IFNAR2: variants seen among roughly 807,000 people sequenced by gnomAD.
IFNAR2 encodes interferon alpha/beta receptor 2.
A neutral mutation model predicts 49.4 loss-of-function variants in IFNAR2; 30 were observed. The ratio of observed to expected loss-of-function variants is 0.61; its 90% CI spans 0.45 to 0.82. IFNAR2 has a LOEUF of 0.82. Among genes scored for constraint, IFNAR2 ranks in the 40% least tolerant of loss-of-function variants. IFNAR2 has a pLI of 0.00. For missense variants in IFNAR2, 600 were observed against 622.7 expected, an observed-to-expected ratio of 0.96 and a Z score of 0.39; for synonymous variants, 224 against 234.5, an observed-to-expected ratio of 0.96 and a Z score of 0.41.
chr21:33,246,052 A>G (rs1033916950), intron 4 of IFNAR2, among the ~76,000 whole-genome samples: 2 of 151,054 alleles, frequency 1.3e-5, no homozygotes, highest in Non-Finnish European at 2.9e-5. Flanking sequence ...AGTTTCATTC[A>G]TTCATTTACT....
chr21:33,256,569 T>C (rs1206524564), intron 7 of IFNAR2, among the ~76,000 whole-genome samples: 1 of 152,216 alleles, frequency 6.6e-6, no homozygotes, highest in African/African-American at 2.4e-5. Flanking sequence ...TAGGGCAGAC[T>C]GATATGGGGG....
chr21:33,235,723 G>A (rs1307529372), intron 1 of IFNAR2, among the ~76,000 whole-genome samples: 2 of 152,116 alleles, frequency 1.3e-5, no homozygotes, highest in Non-Finnish European at 2.9e-5. Context: ...TCAGGAGATC[G>A]AGACCATCCT....
chr21:33,231,246 C>CT (rs1164458087), intron 1 of IFNAR2, among the ~76,000 whole-genome samples: 1 of 152,138 alleles, frequency 6.6e-6, no homozygotes, highest in East Asian at 1.9e-4. Flanking sequence ...AGCAGATACT[C>CT]TATCAAAATC....
intron 1 of IFNAR2, among the ~76,000 whole-genome samples, chr21:33,232,739 G>T (rs973106016): frequency 6.6e-6 from 1 of 151,966 alleles, no homozygotes; most frequent in African/African-American, 2.4e-5. Context: ...CTTTATGCTG[G>T]GTGAAGGTGA....
intron 1 of IFNAR2, among the ~76,000 whole-genome samples, chr21:33,235,963 T>C (rs748308961): frequency 6.6e-6 from 1 of 152,024 alleles, no homozygotes; most frequent in Non-Finnish European, 1.5e-5. Flanking sequence ...AAATAAAAAC[T>C]TGAATTATTA....
chr21:33,260,482 T>A, intron 7 of IFNAR2, 115 bp from the exon 8 acceptor site: 1 of 996,302 alleles, frequency 1.0e-6, no homozygotes, highest in Non-Finnish European at 1.4e-6. Flanking sequence ...AAACTGTTTT[T>A]TCAAACCTTT....
chr21:33,247,269 T>TTTTC (rs1987509646), intron 5 of IFNAR2, among the ~76,000 whole-genome samples: 1 of 144,798 alleles, frequency 6.9e-6, no homozygotes, highest in African/African-American at 2.5e-5. Flanking sequence ...TTTTTTTTTT[T>TTTTC]GAGATGGAGT....
At position 33,241,949 on chromosome 21, in the gene IFNAR2, C is replaced by T. The variant is rs750264158; in HGVS notation, c.27C>T (p.Ile9=). MLLSQNAF[I]FRSLNLVLMV... Reference sequence around the variant, plus strand: ...TGCTTTTGAGCCAGAATGCCTTCATCTTCAGATCACTTAATTTGGTTCTCA... The same window carrying T: ...TGCTTTTGAGCCAGAATGCCTTCATTTTCAGATCACTTAATTTGGTTCTCA... Residue 9 remains isoleucine, a synonymous_variant, in exon 2 of 9, where the codon ATC becomes ATT. Transcript: ENST00000342136. The T allele has an allele frequency of 2.5e-6, 4 of 1,612,918 alleles. No homozygotes were observed. Among genetic ancestry groups the T allele is most frequent in the South Asian group, 2.2e-5 (2 of 90,864 alleles).
chr21:33,263,415 G>A lies in IFNAR2; in HGVS notation c.1463G>A (p.Gly488Asp). 1 of 1,614,078 alleles carries A rather than the reference G, an allele frequency of 6.2e-7. No homozygotes were observed. Among genetic ancestry groups the A allele is most frequent in the Admixed American group, 1.7e-5 (1 of 60,024 alleles). The change falls in exon 9 of 9, where the codon GGC (glycine) becomes GAC (aspartate). Residue 488 changes from glycine (G) to aspartate (D), a missense_variant. Transcript: ENST00000342136. ...QPTFPSPSSE[G>D]LWSEDAPSDQ... ...ACCTTTCCCAGCCCCTCTTCAGAGG[G>A]CCTGTGGTCCGAAGATGCTCCATCT... is the stretch of plus-strand genomic sequence containing the variant.
intron 6 of IFNAR2, chr21:33,252,157 A>C: frequency 2.1e-6 from 1 of 470,712 alleles, no homozygotes; most frequent in South Asian, 1.6e-5. Flanking sequence ...GAGAAACTAG[A>C]CATCAGTCAG....
rs187094782 is a variant in IFNAR2 at position 33,240,133 on chromosome 21, C to T, written c.-83-1707C>T. The stretch of plus-strand genomic sequence containing the variant: ...TATACTCTCCCTTCTGGTTTGCCTA[C>T]AGCCCTCTCACACATTTGTAAATAT... On this transcript the variant is annotated intron_variant, in intron 1 of 8. Coordinates refer to ENST00000342136, the MANE Select transcript of IFNAR2 (RefSeq NM_001289125.3). Among the ~76,000 whole-genome samples the T allele has an allele frequency of 1.2e-3, 181 of 152,322 alleles. 5 individuals carry two copies. In the East Asian group the frequency reaches 0.031, roughly 26 times the overall value.
intron 1 of IFNAR2, chr21:33,236,795 C>T (rs1287916780): frequency 3.1e-6 from 3 of 982,524 alleles, no homozygotes. Context: ...TCAGGATAGC[C>T]ACAGGAGAAC....
At position 33,265,417 on chromosome 21, in the gene IFNAR2, G is replaced by A. The variant is rs1988894374; in HGVS notation, c.*1917G>A. 6.5e-6 allele frequency: 1 copy of A among 153,484 alleles called. No individual in the cohort carries two copies. 9.5% of individuals were successfully genotyped at this position (153,484 alleles called of 1,614,324 possible). A position where few individuals can be genotyped will look rare whatever the true frequency, so the allele number is the denominator to read the frequency against. On this transcript the variant is annotated 3_prime_UTR_variant, in exon 9 of 9. Transcript: ENST00000342136. ...GATTATTTATATGATTGCTCATAAGGATGAGGCTGTGAGGAGGGAACACCT... is the reference window on the plus strand; with the variant it reads ...GATTATTTATATGATTGCTCATAAGAATGAGGCTGTGAGGAGGGAACACCT...
rs549018895 is a variant in IFNAR2 at position 33,230,685 on chromosome 21, C to T, written c.-84+469C>T. The T allele has an allele frequency of 6.8e-6, 3 of 439,506 alleles. No individual in the cohort carries two copies. Among genetic ancestry groups the T allele is most frequent in the East Asian group, 7.6e-5 (1 of 13,172 alleles). The allele number at this position is 439,506 out of a possible 1,614,324, so 27.2% of individuals were successfully genotyped here. ...CCCCTTGAGGTCCCCTGGGATTAGC[C>T]CCCCTCGACCTGCGTCAGGGTCACA... On this transcript the variant is annotated intron_variant, in intron 1 of 8. Coordinates refer to ENST00000342136, the MANE Select transcript of IFNAR2 (RefSeq NM_001289125.3). This position sits in a 1 kb window ranked among gnomAD's most constrained non-coding sequence, Gnocchi z 5.5.
intron 1 of IFNAR2, chr21:33,231,897 A>G (rs1470897199): frequency 6.6e-6 from 1 of 152,596 alleles, no homozygotes. Context: ...GTGTGCTACT[A>G]CGCCTGGCTA....
chr21:33,255,279 C>T (rs982653683), intron 7 of IFNAR2, among the ~76,000 whole-genome samples: 18 of 152,180 alleles, frequency 1.2e-4, no homozygotes, highest in African/African-American at 4.3e-4. Context: ...ATTTCTGATA[C>T]TACCCCAGGT....
In IFNAR2 at chr21:33,248,665, T is replaced by G. The variant is rs767595558; in HGVS notation, c.395-44T>G. 2.6e-6 allele frequency: 4 copies of G among 1,549,852 alleles called. No individual in the cohort carries two copies. In the African/African-American group the frequency reaches 4.1e-5, roughly 16 times the overall value. On this transcript the variant is annotated intron_variant, in intron 5 of 8. Coordinates refer to ENST00000342136, the MANE Select transcript of IFNAR2 (RefSeq NM_001289125.3). ...CACTTTAGACTTTGTGGGCCACATA[T>G]GGTCTCTGTGACATATTCCTGTCTG...
rs188685068 is a variant in IFNAR2 at position 33,263,131 on chromosome 21, G to A, written c.1179G>A (p.Gly393=). ...DSPQQLELLS[G]PCERRKSPLQ... ...CTCAGCAGTTGGAACTCTTGAGTGGGCCCTGTGAGAGGAGAAAGAGTCCAC... is the reference window on the plus strand; with the variant it reads ...CTCAGCAGTTGGAACTCTTGAGTGGACCCTGTGAGAGGAGAAAGAGTCCAC... The change falls in exon 9 of 9, where the codon GGG becomes GGA. Residue 393 remains glycine, a synonymous_variant. Coordinates refer to ENST00000342136, the MANE Select transcript of IFNAR2 (RefSeq NM_001289125.3). The A allele has an allele frequency of 9.3e-6, 15 of 1,614,194 alleles. No homozygotes were observed. In the Admixed American group the frequency reaches 1.2e-4, roughly 13 times the overall value.
chr21:33,244,900 A>G, intron 3 of IFNAR2, 51 bp from the exon 4 acceptor site: 1 of 1,596,438 alleles, frequency 6.3e-7, no homozygotes, highest in Non-Finnish European at 8.6e-7. Context: ...CAGTGGCCAG[A>G]ATACAACTGT....
Sources: allele counts gnomAD v4.1 joint callset (sites outside exome capture counted in the v4.1 genomes callset), GRCh38; gene constraint gnomAD v4.1.1; non-coding constraint Gnocchi (gnomAD v3.1); transcripts MANE v1.5; gene names NCBI Gene and HGNC (gene_info 2026-07-23, HGNC 2026-07-21).